Variants in TUSC3 observed in about 807,000 individuals in gnomAD.
TUSC3 encodes the protein dolichyl-diphosphooligosaccharide--protein glycosyltransferase subunit TUSC3.
TUSC3 carries 45 observed loss-of-function variants against 44.8 expected under a neutral mutation model. That is an observed-to-expected ratio of 1.00 (90% CI 0.79 to 1.29). The LOEUF is 1.29. TUSC3 is among the 50% of genes most tolerant of loss of function. The pLI is 0.00. For synonymous variants in TUSC3, 212 were observed against 152.9 expected, an observed-to-expected ratio of 1.39 and a Z score of -2.85; for missense variants, 519 against 437.9, an observed-to-expected ratio of 1.19 and a Z score of -1.65.
At chr8:15,546,888 C>T (rs1451258077) in intron 1 of TUSC3, among the ~76,000 whole-genome samples, 1 of 151,530 alleles carries the variant, frequency 6.6e-6, no homozygotes, top group African/African-American at 2.4e-5. Flanking sequence ...TGCCTGCCTG[C>T]CTGCCTCCCA....
At chr8:15,789,525 G>C in the TUSC3 span, among the ~76,000 whole-genome samples, 614 of 152,186 alleles carry the variant, frequency 4.0e-3, 5 homozygotes, top group African/African-American at 0.014. Flanking sequence ...GCATAATGAA[G>C]CCATGAAATC....
chr8:15,833,529 A>T, the TUSC3 span, among the ~76,000 whole-genome samples: 1,436 of 152,278 alleles, frequency 9.4e-3, 14 homozygotes, highest in Non-Finnish European at 0.016. Flanking sequence ...GCCATAAAAA[A>T]TAATGCAGGA....
At chr8:15,659,431 C>T (rs1807320851) in intron 3 of TUSC3, 76 bp from the exon 4 acceptor site, 1 of 1,546,234 alleles carries the variant, frequency 6.5e-7, no homozygotes, top group African/African-American at 1.4e-5. Context: ...CCCCGAATTT[C>T]TACAGAAAAA....
At chr8:15,819,553 C>A in the TUSC3 span, among the ~76,000 whole-genome samples, 1 of 152,214 alleles carries the variant, frequency 6.6e-6, no homozygotes, top group South Asian at 2.1e-4. Flanking sequence ...TTCTCACAAT[C>A]TGGTGACTCC....
At position 15,626,268 on chromosome 8, in the gene TUSC3, C is replaced by T. The variant is rs567353578; in HGVS notation, c.308+3019C>T. Reference sequence around the variant, plus strand: ...CTACGGGGAATAGGGAGAAGCCAGACAGTCCCTGAAGCTATGGGGGCCACT... The same window carrying T: ...CTACGGGGAATAGGGAGAAGCCAGATAGTCCCTGAAGCTATGGGGGCCACT... On this transcript the variant is annotated intron_variant, in intron 2 of 10. Coordinates refer to ENST00000503731, the MANE Select transcript of TUSC3 (RefSeq NM_006765.4). 2.0e-5 allele frequency among the ~76,000 whole-genome samples: 3 copies of T among 152,308 alleles called. No individual in the cohort carries two copies. The South Asian group carries it at 6.2e-4, about 32-fold the overall frequency.
At chr8:15,421,012 C>G (rs545474253) in intron 1 of TUSC3, among the ~76,000 whole-genome samples, 2 of 152,288 alleles carry the variant, frequency 1.3e-5, no homozygotes, top group Non-Finnish European at 2.9e-5. Flanking sequence ...CTTCCCAAGA[C>G]TTCTGTCTTG....
chr8:15,494,519 G>T (rs1238336300), intron 2 of TUSC3, among the ~76,000 whole-genome samples: 14 of 152,134 alleles, frequency 9.2e-5, no homozygotes, highest in Non-Finnish European at 1.5e-5. Flanking sequence ...GGGTTTCACT[G>T]TGTTAGCCAG....
intron 2 of TUSC3, among the ~76,000 whole-genome samples, chr8:15,531,924 T>C (rs1801455804): frequency 6.6e-6 from 1 of 152,196 alleles, no homozygotes; most frequent in Non-Finnish European, 1.5e-5. Context: ...GGAAAGAAAC[T>C]GTCATGAAAT....
intron 2 of TUSC3, among the ~76,000 whole-genome samples, chr8:15,524,092 G>A (rs1801340792): frequency 1.3e-5 from 2 of 151,218 alleles, no homozygotes; most frequent in Non-Finnish European, 2.9e-5. Flanking sequence ...AATGTGTTTG[G>A]TTTGCATTTG....
intron 1 of TUSC3, among the ~76,000 whole-genome samples, chr8:15,468,785 A>T (rs1443030502): frequency 2.0e-5 from 3 of 152,168 alleles, no homozygotes; most frequent in African/African-American, 7.2e-5. Context: ...GATTCAAGGG[A>T]TTCCTCTCTG....
chr8:15,607,340 G>C lies in TUSC3; in HGVS notation c.139-15740G>C, dbSNP rs572163813. Among the ~76,000 whole-genome samples the C allele has an allele frequency of 4.6e-5, 7 of 152,208 alleles. No homozygotes were observed. The South Asian group carries it at 1.5e-3, about 32-fold the overall frequency. ...TAGGCTCTCAAGAATTTATAATTTA[G>C]TGATAGAAACTTTTAAGTGGCTCAA... On this transcript the variant is annotated intron_variant, in intron 1 of 10. Coordinates refer to ENST00000503731, the MANE Select transcript of TUSC3 (RefSeq NM_006765.4).
chr8:15,692,981 G>C (rs142766574), intron 6 of TUSC3, among the ~76,000 whole-genome samples: 147 of 152,240 alleles, frequency 9.7e-4, no homozygotes, highest in African/African-American at 3.4e-3. Context: ...ACCAAACTCT[G>C]CTTTCTTCTG....
At chr8:15,847,187 T>C in the TUSC3 span, among the ~76,000 whole-genome samples, 2 of 152,170 alleles carry the variant, frequency 1.3e-5, no homozygotes, top group African/African-American at 4.8e-5. Flanking sequence ...GGAAGGACTT[T>C]GAACCCCTGG....
chr8:15,468,476 T>C (rs1254193057), intron 1 of TUSC3, among the ~76,000 whole-genome samples: 1 of 152,202 alleles, frequency 6.6e-6, no homozygotes, highest in Non-Finnish European at 1.5e-5. Context: ...ACATGATTCC[T>C]GATCATGGGT....
At chr8:15,521,917 G>C (rs917345583) in intron 2 of TUSC3, among the ~76,000 whole-genome samples, 5 of 152,276 alleles carry the variant, frequency 3.3e-5, no homozygotes, top group Middle Eastern at 3.4e-3. Context: ...TGTGGTTTCT[G>C]CAATTAAAGT....
At chr8:15,760,555 C>T (rs1812129811) in intron 10 of TUSC3, among the ~76,000 whole-genome samples, 1 of 152,050 alleles carries the variant, frequency 6.6e-6, no homozygotes, top group South Asian at 2.1e-4. Flanking sequence ...CTAAGAATGG[C>T]TTCTACAGTT....
chr8:15,672,806 C>T (rs1417556816), intron 5 of TUSC3, among the ~76,000 whole-genome samples: 1 of 152,116 alleles, frequency 6.6e-6, no homozygotes, highest in Admixed American at 6.6e-5. Flanking sequence ...AAAAATTGTG[C>T]AAACTAGAAT....
chr8:15,752,720 T>C (rs1811759533), intron 9 of TUSC3, among the ~76,000 whole-genome samples: 1 of 152,088 alleles, frequency 6.6e-6, no homozygotes, highest in Non-Finnish European at 1.5e-5. Flanking sequence ...AAAACGTGAT[T>C]CGTATATTCC....
chr8:15,417,708 C>G (rs549323816), intron 1 of TUSC3, among the ~76,000 whole-genome samples: 1 of 152,202 alleles, frequency 6.6e-6, no homozygotes, highest in Non-Finnish European at 1.5e-5. Flanking sequence ...GGCTGTGCTT[C>G]AGGACTTCAA....
Sources: allele counts gnomAD v4.1 joint callset (sites outside exome capture counted in the v4.1 genomes callset), GRCh38; gene constraint gnomAD v4.1.1; transcripts MANE v1.5; gene names NCBI Gene and HGNC (gene_info 2026-07-23, HGNC 2026-07-21).